RMDN1: variants seen among roughly 807,000 people sequenced by gnomAD.
RMDN1 encodes the protein regulator of microtubule dynamics protein 1.
A neutral mutation model predicts 48.9 loss-of-function variants in RMDN1; 48 were observed. That is an observed-to-expected ratio of 0.98 (90% confidence interval 0.78 to 1.25). The LOEUF (loss-of-function observed/expected upper bound fraction) is 1.25. RMDN1 is among the 50% of genes most tolerant of loss of function. The probability of loss-of-function intolerance (pLI) is 0.00; values close to 1 mark genes in which losing one functional copy is unlikely to be tolerated. For synonymous variants in RMDN1, 148 were observed against 132.6 expected (o/e 1.12, Z -0.80); for missense variants, 418 against 373.4 (o/e 1.12, Z -0.98).
chr8:86,478,936 G>A lies in RMDN1; in HGVS notation c.716C>T (p.Ser239Phe). 1 of 1,613,086 alleles carries A rather than the reference G, an allele frequency of 6.2e-7. No homozygotes were observed. Among genetic ancestry groups the A allele is most frequent in the South Asian group, 1.1e-5 (1 of 91,060 alleles). ...AKMLFATPPSSTYEKALGYFH... is the reference protein window; with the variant it reads ...AKMLFATPPSFTYEKALGYFH... ...ACATCATACTACCTTCTCATAGGTG[G>A]AACTAGGAGGAGTTGCAAACAGCAT... The change falls in exon 7 of 10, where the codon TCC becomes TTC. Residue 239 changes from serine to phenylalanine, a missense_variant. By Grantham distance (155) the Ser-to-Phe change is radical. Coordinates refer to ENST00000406452, the MANE Select transcript of RMDN1 (RefSeq NM_016033.3).
Position 86,474,049 on chromosome 8 carries a change from A to T in RMDN1, c.*259T>A. 2 of 1,188,408 alleles carry T rather than the reference A, an allele frequency of 1.7e-6. No individual in the cohort carries two copies. Among genetic ancestry groups the T allele is most frequent in the Non-Finnish European group, 2.1e-6 (2 of 957,348 alleles). The allele number at this position is 1,188,408 out of a possible 1,614,324, so 73.6% of individuals were successfully genotyped here. A position where few individuals can be genotyped will look rare whatever the true frequency, so the allele number is the denominator to read the frequency against. On this transcript the variant is annotated 3_prime_UTR_variant, in exon 10 of 10. Transcript: ENST00000406452. ...TGTGATCAATCCTTAGAAATCTCATACCATTTTGCATTGCTGGTATCCAGG... is the reference window on the plus strand; with the variant it reads ...TGTGATCAATCCTTAGAAATCTCATTCCATTTTGCATTGCTGGTATCCAGG...
intron 2 of RMDN1, among the ~76,000 whole-genome samples, chr8:86,497,666 A>G (rs532690874): frequency 6.6e-6 from 1 of 150,722 alleles, no homozygotes; most frequent in South Asian, 2.1e-4. Flanking sequence ...GCACCACTGC[A>G]CTCCAGCCTG....
rs749404728 is a variant in RMDN1 at position 86,472,567 on chromosome 8, G to T, written c.*1741C>A. 157 of 685,962 alleles carry T rather than the reference G, an allele frequency of 2.3e-4. No homozygotes were observed. The highest frequency in any genetic ancestry group is 1.2e-3 in the Middle Eastern group (5 of 4,152). 42.5% of individuals were successfully genotyped at this position (685,962 alleles called of 1,614,324 possible). ...CTGAAAGCCTGCCATTGTTGTTGCC[G>T]TTTAACAGCTGATACAGGTTTCTGG... is the stretch of plus-strand genomic sequence containing the variant. On this transcript the variant is annotated 3_prime_UTR_variant, in exon 10 of 10. Transcript: ENST00000406452.
Position 86,474,321 on chromosome 8 carries a change from C to G in RMDN1, c.932G>C (p.Ser311Thr). ...TEAAQLLTSF[S>T]EKN ...TCTGAAAAGTTCTCAATTCTTCTCA[C>G]TGAAACTTGTAAGCAACTGAGCAGC... Residue 311 changes from serine to threonine, a missense_variant, in exon 10 of 10, where the codon AGT becomes ACT. Transcript: ENST00000406452. 6.2e-7 allele frequency: 1 copy of G among 1,613,654 alleles called. No homozygotes were observed. The highest frequency in any genetic ancestry group is 8.5e-7 in the Non-Finnish European group (1 of 1,179,780).
At chr8:86,481,164 T>C (rs1814341037) in intron 5 of RMDN1, among the ~76,000 whole-genome samples, 1 of 152,168 alleles carries the variant, frequency 6.6e-6, no homozygotes, top group South Asian at 2.1e-4. Flanking sequence ...GTACACATTT[T>C]CAAATATTTG....
intron 7 of RMDN1, 171 bp from the exon 8 acceptor site, chr8:86,477,495 A>G: frequency 1.9e-6 from 1 of 530,296 alleles, no homozygotes; most frequent in Non-Finnish European, 3.4e-6. Flanking sequence ...AAGTGAACGT[A>G]ACACTTCAAT....
Position 86,484,892 on chromosome 8 carries a change from T to C in RMDN1, c.565A>G (p.Ile189Val), listed in dbSNP as rs749115533. The change falls in exon 5 of 10, where the codon ATC becomes GTC. Residue 189 changes from isoleucine to valine, a missense_variant. Transcript: ENST00000406452. ...GIKAKIANAY[I>V]IKEHFEKAIE... Reference sequence around the variant, plus strand: ...AGTACCTCAAAATGCTCCTTGATGATATATGCATTTGCAATTTTAGCCTTG... The same window carrying C: ...AGTACCTCAAAATGCTCCTTGATGACATATGCATTTGCAATTTTAGCCTTG... 1.3e-6 allele frequency: 2 copies of C among 1,598,242 alleles called. No individual in the cohort carries two copies. Among genetic ancestry groups the C allele is most frequent in the South Asian group, 1.1e-5 (1 of 90,076 alleles).
downstream of RMDN1, chr8:86,470,056 C>T: frequency 3.2e-6 from 2 of 629,438 alleles, no homozygotes; most frequent in Non-Finnish European, 4.0e-6. Flanking sequence ...ATAACTTGGC[C>T]ATCAAGAAAT....
At chr8:86,470,430 A>AGACTT, downstream of RMDN1, 1 of 1,269,154 alleles carries the variant, frequency 7.9e-7, no homozygotes, top group Non-Finnish European at 1.0e-6. Context: ...CAAATGGAAG[A>AGACTT]GACTTAGTGC....
At chr8:86,471,562 G>A (rs567504796), downstream of RMDN1, among the ~76,000 whole-genome samples, 38 of 151,884 alleles carry the variant, frequency 2.5e-4, no homozygotes, top group African/African-American at 9.2e-4. Context: ...GCTAAAATCA[G>A]GAAAAAAATT....
At chr8:86,505,663 T>C (rs2131318977) in intron 2 of RMDN1, among the ~76,000 whole-genome samples, 1 of 152,296 alleles carries the variant, frequency 6.6e-6, no homozygotes, top group South Asian at 2.1e-4. Flanking sequence ...TTAAGTGTAA[T>C]TTTGCCAAAT....
At chr8:86,487,147 T>C (rs1815615582) in intron 3 of RMDN1, among the ~76,000 whole-genome samples, 1 of 152,246 alleles carries the variant, frequency 6.6e-6, no homozygotes, top group African/African-American at 2.4e-5. Context: ...TGGTTGAATA[T>C]AATGTAATCT....
chr8:86,492,826 A>T (rs1463447573), intron 2 of RMDN1, among the ~76,000 whole-genome samples: 2 of 152,014 alleles, frequency 1.3e-5, no homozygotes, highest in African/African-American at 2.4e-5. Flanking sequence ...AATGTCAATG[A>T]TATTTATGCC....
At chr8:86,493,006 A>G (rs1205766345) in intron 2 of RMDN1, among the ~76,000 whole-genome samples, 1 of 141,640 alleles carries the variant, frequency 7.1e-6, no homozygotes, top group Non-Finnish European at 1.5e-5. Context: ...CAATTCCTTA[A>G]AAAAAAAAAA....
chr8:86,470,957 G>C (rs1404368131), downstream of RMDN1, among the ~76,000 whole-genome samples: 2 of 152,076 alleles, frequency 1.3e-5, no homozygotes, highest in Non-Finnish European at 2.9e-5. Flanking sequence ...CTTGATTATG[G>C]TGGCAGTTAC....
intron 2 of RMDN1, among the ~76,000 whole-genome samples, chr8:86,497,328 T>C (rs1298901961): frequency 1.3e-5 from 2 of 152,024 alleles, no homozygotes; most frequent in Admixed American, 1.3e-4. Context: ...GTGAAAGCCA[T>C]ACAAAAAAAA....
chr8:86,479,047 G>A, intron 6 of RMDN1, 37 bp from the exon 7 acceptor site: 1 of 1,448,328 alleles, frequency 6.9e-7, no homozygotes, highest in Non-Finnish European at 9.7e-7. Context: ...CATTCAAATT[G>A]TACCTTCTTT....
chr8:86,474,327 C>A lies in RMDN1; in HGVS notation c.926G>T (p.Ser309Ile). ...AAGTTCTCAATTCTTCTCACTGAAA[C>A]TTGTAAGCAACTGAGCAGCTTCTGT... Reference protein sequence around the residue: ...IQTEAAQLLTSFSEKN With the variant: ...IQTEAAQLLTIFSEKN The change falls in exon 10 of 10, where the codon AGT becomes ATT. Residue 309 changes from serine to isoleucine, a missense_variant. Transcript: ENST00000406452. 6.2e-7 allele frequency: 1 copy of A among 1,613,646 alleles called. No individual in the cohort carries two copies. Among genetic ancestry groups the A allele is most frequent in the Admixed American group, 1.7e-5 (1 of 60,014 alleles).
upstream of RMDN1, chr8:86,508,735 C>T (rs1199247746): frequency 1.4e-5 from 19 of 1,401,634 alleles, no homozygotes; most frequent in African/African-American, 1.5e-5. Flanking sequence ...TCCTGCACAG[C>T]ACCTCTTCCG....
Sources: allele counts gnomAD v4.1 joint callset (sites outside exome capture counted in the v4.1 genomes callset), GRCh38; gene constraint gnomAD v4.1.1; transcripts MANE v1.5; gene names NCBI Gene and HGNC (gene_info 2026-07-23, HGNC 2026-07-21).